Variants in SIPA1L1 observed in about 807,000 individuals in gnomAD.
SIPA1L1 encodes the protein signal-induced proliferation-associated 1-like protein 1.
Under a neutral mutation model 162.7 loss-of-function variants are expected in SIPA1L1, and 26 were observed. The ratio of observed to expected loss-of-function variants is 0.16; its 90% CI spans 0.12 to 0.22. The LOEUF is 0.22. Ranked by LOEUF, SIPA1L1 falls within the 10% of genes least tolerant of loss-of-function variation. The pLI is 1.00. For synonymous variants in SIPA1L1, 829 were observed against 837.4 expected, an observed-to-expected ratio of 0.99 and a Z score of 0.17; for missense variants, 1,874 against 2,241.0, an observed-to-expected ratio of 0.84 and a Z score of 3.31.
chr14:71,546,790 G>T (rs149479912), intron 4 of SIPA1L1, among the ~76,000 whole-genome samples: 209 of 152,292 alleles, frequency 1.4e-3, no homozygotes, highest in Non-Finnish European at 2.5e-3. Context: ...TCACTGTAAA[G>T]CATGGAAAGT....
At chr14:71,415,809 C>T (rs1987041) in intron 2 of SIPA1L1, among the ~76,000 whole-genome samples, 5,458 of 152,090 alleles carry the variant, frequency 0.036, 165 homozygotes, top group African/African-American at 0.065. Flanking sequence ...GCGATTCTCC[C>T]GCCTCAGCCT....
intron 2 of SIPA1L1, among the ~76,000 whole-genome samples, chr14:71,404,952 T>C (rs1455839455): frequency 1.3e-5 from 2 of 152,228 alleles, no homozygotes; most frequent in Non-Finnish European, 2.9e-5. Context: ...GTTCATTCAT[T>C]CAACAGAGTT....
intron 2 of SIPA1L1, among the ~76,000 whole-genome samples, chr14:71,491,775 CA>C (rs1431662988): frequency 1.4e-5 from 2 of 147,978 alleles, no homozygotes; most frequent in Non-Finnish European, 3.0e-5. Flanking sequence ...CACACACACA[CA>C]CACACACACA....
chr14:71,324,186 G>C (rs2033507851), intron 2 of SIPA1L1, among the ~76,000 whole-genome samples: 1 of 152,166 alleles, frequency 6.6e-6, no homozygotes. Flanking sequence ...ATTTGTAATA[G>C]GGTTTTCTTA....
intron 12 of SIPA1L1, among the ~76,000 whole-genome samples, chr14:71,673,488 A>G (rs2044744471): frequency 6.6e-6 from 1 of 152,204 alleles, no homozygotes; most frequent in Non-Finnish European, 1.5e-5. Context: ...GACCAGTCCT[A>G]CACCTGAGCT....
intron 5 of SIPA1L1, among the ~76,000 whole-genome samples, chr14:71,598,573 A>G (rs1441230138): frequency 1.3e-5 from 2 of 152,254 alleles, no homozygotes; most frequent in Admixed American, 6.5e-5. Context: ...TGTCAAGGTC[A>G]TGGAAGACAA....
chr14:71,570,521 T>C (rs900194287), intron 4 of SIPA1L1, among the ~76,000 whole-genome samples: 76 of 152,252 alleles, frequency 5.0e-4, no homozygotes, highest in Non-Finnish European at 1.0e-3. Context: ...CACCTTGGCC[T>C]CTCAAAGAGC....
intron 2 of SIPA1L1, among the ~76,000 whole-genome samples, chr14:71,362,642 A>C (rs2037918261): frequency 6.6e-6 from 1 of 152,198 alleles, no homozygotes; most frequent in Non-Finnish European, 1.5e-5. Flanking sequence ...TCTCAAATTA[A>C]TTATTTCCCC....
intron 2 of SIPA1L1, among the ~76,000 whole-genome samples, chr14:71,378,192 T>C (rs1054657498): frequency 9.2e-5 from 14 of 152,266 alleles, no homozygotes; most frequent in African/African-American, 3.4e-4. Flanking sequence ...GCTGTGTTAA[T>C]TTTTTCTGTT....
chr14:71,688,257 C>T (rs2081010102), intron 13 of SIPA1L1, among the ~76,000 whole-genome samples: 1 of 152,152 alleles, frequency 6.6e-6, no homozygotes. Context: ...TGACATGATG[C>T]TCAAAGGAAA....
chr14:71,589,399 T>G, intron 5 of SIPA1L1, 29 bp downstream of exon 5: 1 of 1,462,000 alleles, frequency 6.8e-7, no homozygotes, highest in Non-Finnish European at 9.4e-7. Context: ...TTTCTTACAT[T>G]TTCTTTTGCA....
chr14:71,735,641 G>A (rs1264191146), intron 22 of SIPA1L1: 2 of 377,988 alleles, frequency 5.3e-6, no homozygotes, highest in Non-Finnish European at 9.6e-6. Context: ...ATACATTTAT[G>A]CCCTCAGGGC....
chr14:71,638,782 T>G (rs2041418180), intron 7 of SIPA1L1, among the ~76,000 whole-genome samples: 1 of 152,244 alleles, frequency 6.6e-6, no homozygotes, highest in African/African-American at 2.4e-5. Flanking sequence ...AACCTGGAAC[T>G]GCAAAATGTG....
intron 2 of SIPA1L1, among the ~76,000 whole-genome samples, chr14:71,440,582 G>A (rs1239083937): frequency 9.9e-5 from 14 of 141,898 alleles, no homozygotes; most frequent in African/African-American, 3.6e-4. Flanking sequence ...CTGGGAGGTC[G>A]AGGCTGCAGT....
intron 2 of SIPA1L1, among the ~76,000 whole-genome samples, chr14:71,362,679 A>G (rs1233098894): frequency 2.6e-5 from 4 of 152,354 alleles, no homozygotes; most frequent in Middle Eastern, 3.4e-3. Flanking sequence ...TGTATTTCAG[A>G]TGAATTATTT....
At chr14:71,715,868 C>T (rs1173224423) in intron 17 of SIPA1L1, among the ~76,000 whole-genome samples, 5 of 152,198 alleles carry the variant, frequency 3.3e-5, no homozygotes, top group Admixed American at 3.3e-4. Context: ...TTGGACATGA[C>T]ACTCTTCTCA....
intron 3 of SIPA1L1, among the ~76,000 whole-genome samples, chr14:71,521,019 G>T (rs2052295923): frequency 6.6e-6 from 1 of 152,182 alleles, no homozygotes. Context: ...CTCCCAAAGT[G>T]CTGGGATTAC....
At chr14:71,573,914 G>T (rs750357410) in intron 4 of SIPA1L1, 4 of 330,154 alleles carry the variant, frequency 1.2e-5, no homozygotes, top group Admixed American at 8.8e-5. Flanking sequence ...TTCTGTCAAA[G>T]AATTTTTCTT....
At chr14:71,326,509 G>A (rs926903227) in intron 2 of SIPA1L1, among the ~76,000 whole-genome samples, 5 of 151,290 alleles carry the variant, frequency 3.3e-5, no homozygotes, top group African/African-American at 1.2e-4. Flanking sequence ...ACACCTGGCC[G>A]ACTTGCTTCT....
Sources: gnomAD v4.1 joint callset for allele counts (sites outside exome capture counted in the v4.1 genomes callset) on GRCh38, gnomAD v4.1.1 for gene constraint, MANE v1.5 for transcripts, NCBI Gene and HGNC (gene_info 2026-07-23, HGNC 2026-07-21) for gene names.